The following OXR1 variants were observed in gnomAD, a reference collection of about 807,000 sequenced individuals.
OXR1 encodes the protein oxidation resistance 1.
In OXR1, 41 loss-of-function variants were observed where a neutral mutation model predicts 104.6. The observed-to-expected ratio is 0.39, with a 90% CI of 0.31 to 0.51. The LOEUF (loss-of-function observed/expected upper bound fraction) is 0.51, where lower values mean the gene tolerates loss of function less well. OXR1 is among the 20% of genes least tolerant of loss of function. The pLI, the probability that OXR1 is intolerant of heterozygous loss-of-function variation, is 0.77. For missense variants in OXR1, 955 were observed against 1,031.9 expected, an observed-to-expected ratio of 0.93 and a Z score of 1.02; for synonymous variants, 348 against 348.4, an observed-to-expected ratio of 1.00 and a Z score of 0.01.
intron 3 of OXR1, among the ~76,000 whole-genome samples, chr8:106,612,367 A>G (rs1033979707): frequency 1.3e-5 from 2 of 152,160 alleles, no homozygotes; most frequent in African/African-American, 4.8e-5. Flanking sequence ...CCAAAGCATG[A>G]TTGATGTAAG....
chr8:106,697,694 T>C, intron 7 of OXR1: 1 of 1,614,058 alleles, frequency 6.2e-7, no homozygotes, highest in Non-Finnish European at 8.5e-7. Flanking sequence ...ATGTCAGTGG[T>C]GTTAATGCCA....
intron 3 of OXR1, among the ~76,000 whole-genome samples, chr8:106,576,577 TAC>T (rs1296163408): frequency 2.6e-5 from 4 of 151,874 alleles, no homozygotes; most frequent in Admixed American, 6.6e-5. Context: ...AAAATAAATG[TAC>T]AGTCTATGTA....
At chr8:106,713,354 T>C (rs1467211904) in intron 10 of OXR1, among the ~76,000 whole-genome samples, 1 of 151,970 alleles carries the variant, frequency 6.6e-6, no homozygotes, top group Non-Finnish European at 1.5e-5. Flanking sequence ...CATCTGTCTC[T>C]CAACACTGTA....
rs567650213 is a variant in OXR1 at position 106,433,757 on chromosome 8, G to T, written c.23+74121G>T. 1.6e-4 allele frequency among the ~76,000 whole-genome samples: 24 copies of T among 152,218 alleles called. No individual in the cohort carries two copies. In the South Asian group the frequency reaches 4.8e-3, roughly 30 times the overall value. On this transcript the variant is annotated intron_variant, in intron 2 of 16. Transcript: ENST00000517566. ...ATCTAGTCCAGTTATTTTAACTGTG[G>T]CTCATTATCCCACACAGTTTATTGA...
At chr8:106,345,256 A>T (rs1815431065) in intron 1 of OXR1, among the ~76,000 whole-genome samples, 1 of 152,210 alleles carries the variant, frequency 6.6e-6, no homozygotes, top group African/African-American at 2.4e-5. Context: ...TGAATGAATA[A>T]CATAAGAGAT....
At chr8:106,316,422 T>C (rs1405959237) in intron 1 of OXR1, among the ~76,000 whole-genome samples, 2 of 152,202 alleles carry the variant, frequency 1.3e-5, no homozygotes, top group Admixed American at 1.3e-4. Context: ...GCAGGGCTTT[T>C]TGGACATTCC....
At chr8:106,602,860 G>A (rs1820078964) in intron 3 of OXR1, among the ~76,000 whole-genome samples, 1 of 151,670 alleles carries the variant, frequency 6.6e-6, no homozygotes. Flanking sequence ...TTTGTTTTTT[G>A]TTTTATTTTG....
At chr8:106,325,111 G>A (rs1420637544) in intron 1 of OXR1, among the ~76,000 whole-genome samples, 4 of 152,206 alleles carry the variant, frequency 2.6e-5, no homozygotes, top group African/African-American at 9.6e-5. Flanking sequence ...AGTAATAGAA[G>A]ACCAAAGAGG....
At chr8:106,412,078 C>G (rs1586617698) in intron 2 of OXR1, among the ~76,000 whole-genome samples, 1 of 152,120 alleles carries the variant, frequency 6.6e-6, no homozygotes, top group Admixed American at 6.6e-5. Flanking sequence ...ATTCCTGATG[C>G]ATGTTAATAT....
chr8:106,312,587 C>T (rs146461391), intron 1 of OXR1, among the ~76,000 whole-genome samples: 3 of 152,338 alleles, frequency 2.0e-5, no homozygotes, highest in East Asian at 1.9e-4. Context: ...AGCTACCACA[C>T]TGGATGTTTA....
chr8:106,537,146 C>T (rs1814598702), intron 3 of OXR1, among the ~76,000 whole-genome samples: 1 of 152,006 alleles, frequency 6.6e-6, no homozygotes, highest in Non-Finnish European at 1.5e-5. Flanking sequence ...TTCATGAGGG[C>T]TTCACCCTCA....
intron 2 of OXR1, among the ~76,000 whole-genome samples, chr8:106,514,188 G>A (rs1812719553): frequency 6.6e-6 from 1 of 151,894 alleles, no homozygotes; most frequent in South Asian, 2.1e-4. Context: ...ATCAAATAGG[G>A]TACTTTATCT....
intron 1 of OXR1, among the ~76,000 whole-genome samples, chr8:106,349,590 G>A (rs1230193050): frequency 2.0e-5 from 3 of 152,224 alleles, no homozygotes; most frequent in East Asian, 3.9e-4. Flanking sequence ...CAACTCCATA[G>A]ATTAAAATTT....
At chr8:106,657,851 CCCGCCTCTTGTGAGGCGCGCGGAG>C (rs974318003) in intron 3 of OXR1, 1 of 1,239,874 alleles carries the variant, frequency 8.1e-7, no homozygotes, top group Non-Finnish European at 1.0e-6. Context: ...CCTCCTCCTC[CCCGCCTCTTGTGAGGCGCGCGGAG>C]CCGCCTCCCC....
intron 3 of OXR1, among the ~76,000 whole-genome samples, chr8:106,613,895 T>A (rs531251073): frequency 6.6e-6 from 1 of 152,316 alleles, no homozygotes; most frequent in African/African-American, 2.4e-5. Flanking sequence ...GAAAGCCTTG[T>A]TTTAGAACTG....
At chr8:106,586,101 T>C (rs1275909988) in intron 3 of OXR1, among the ~76,000 whole-genome samples, 1 of 152,162 alleles carries the variant, frequency 6.6e-6, no homozygotes. Context: ...AGACTTGTTC[T>C]AACTAGAACG....
intron 2 of OXR1, among the ~76,000 whole-genome samples, chr8:106,439,593 A>T (rs1034854667): frequency 3.3e-5 from 5 of 152,084 alleles, no homozygotes; most frequent in Non-Finnish European, 7.4e-5. Context: ...TGTGTTATGA[A>T]TTCCCATGTA....
chr8:106,699,769 G>C (rs1347315562), intron 7 of OXR1, among the ~76,000 whole-genome samples: 1 of 152,200 alleles, frequency 6.6e-6, no homozygotes, highest in Non-Finnish European at 1.5e-5. Context: ...CACAAAAGGA[G>C]ATAAGCAGGA....
chr8:106,559,563 TA>T (rs142253107), intron 3 of OXR1, among the ~76,000 whole-genome samples: 5 of 152,204 alleles, frequency 3.3e-5, no homozygotes, highest in Non-Finnish European at 7.4e-5. Flanking sequence ...TCATAGAAAA[TA>T]AAAAACAATA....
Sources: gnomAD v4.1 joint callset for allele counts (sites outside exome capture counted in the v4.1 genomes callset) on GRCh38, gnomAD v4.1.1 for gene constraint, MANE v1.5 for transcripts, NCBI Gene and HGNC (gene_info 2026-07-23, HGNC 2026-07-21) for gene names.